The following UGP2 variants were observed in gnomAD, a reference collection of about 807,000 sequenced individuals.
UGP2 encodes UTP--glucose-1-phosphate uridylyltransferase.
In UGP2, 40 loss-of-function variants were observed where a neutral mutation model predicts 49.0. The observed-to-expected ratio is 0.82, with a 90% CI of 0.63 to 1.06. The LOEUF (loss-of-function observed/expected upper bound fraction) is 1.06, where lower values mean the gene tolerates loss of function less well. UGP2 is among the 50% of genes least tolerant of loss of function. UGP2 has a pLI of 0.00. For synonymous variants in UGP2, 225 were observed against 213.0 expected, an observed-to-expected ratio of 1.06 and a Z score of -0.49; for missense variants, 460 against 603.5, an observed-to-expected ratio of 0.76 and a Z score of 2.49.
At chr2:63,869,830 G>T (rs185246147) in intron 3 of UGP2, among the ~76,000 whole-genome samples, 1 of 152,082 alleles carries the variant, frequency 6.6e-6, no homozygotes, top group East Asian at 1.9e-4. Context: ...TTTGCCTTTG[G>T]ACTGTGAGGA....
intron 3 of UGP2, among the ~76,000 whole-genome samples, chr2:63,876,786 A>G (rs1670936235): frequency 1.3e-5 from 2 of 152,208 alleles, no homozygotes. Flanking sequence ...GCCTGTTCCC[A>G]GAAGTCTTTA....
intron 8 of UGP2, 86 bp from the exon 9 acceptor site, chr2:63,889,995 T>A: frequency 9.6e-7 from 1 of 1,045,172 alleles, no homozygotes; most frequent in African/African-American, 1.6e-5. Context: ...GTTTCTACAG[T>A]TCAGTTAAAC....
chr2:63,844,653 CT>C (rs1671809572), intron 1 of UGP2, among the ~76,000 whole-genome samples: 1 of 152,184 alleles, frequency 6.6e-6, no homozygotes, highest in South Asian at 2.1e-4. Context: ...CCTTGATCTC[CT>C]TGGCTTAAGC....
chr2:63,862,910 C>T (rs1669947851), intron 3 of UGP2: 1 of 454,552 alleles, frequency 2.2e-6, no homozygotes, highest in Non-Finnish European at 4.4e-6. Context: ...TTTACTGGAA[C>T]AGATTGTGAC....
At chr2:63,888,124 A>T (rs1443499515) in intron 8 of UGP2, 1 of 154,802 alleles carries the variant, frequency 6.5e-6, no homozygotes, top group Non-Finnish European at 1.4e-5. Flanking sequence ...AAACAAAGCA[A>T]GGGTGGAGAA....
At chr2:63,845,919 T>C (rs1406469521) in intron 1 of UGP2, among the ~76,000 whole-genome samples, 3 of 152,184 alleles carry the variant, frequency 2.0e-5, no homozygotes, top group African/African-American at 7.2e-5. Context: ...AATAAAAATA[T>C]TGAGGTAGGC....
At chr2:63,864,402 T>C (rs1670042386) in intron 3 of UGP2, among the ~76,000 whole-genome samples, 1 of 152,208 alleles carries the variant, frequency 6.6e-6, no homozygotes, top group Non-Finnish European at 1.5e-5. Flanking sequence ...TGGCATATTT[T>C]ATGTGCTTAT....
intron 1 of UGP2, chr2:63,842,510 C>A (rs1223183461): frequency 6.5e-7 from 1 of 1,535,332 alleles, no homozygotes; most frequent in Admixed American, 2.0e-5. Flanking sequence ...CTAATTAATC[C>A]TTGTTCTCTT....
chr2:63,862,853 GA>G (rs1478639673), intron 3 of UGP2: 1 of 455,744 alleles, frequency 2.2e-6, no homozygotes, highest in Admixed American at 2.4e-5. Flanking sequence ...AGGCTAACAA[GA>G]AGGGAGATAC....
chr2:63,882,579 C>T lies in UGP2; in HGVS notation c.369C>T (p.Cys123=). The T allele has an allele frequency of 6.2e-7, 1 of 1,612,192 alleles. No homozygotes were observed. Among genetic ancestry groups the T allele is most frequent in the Non-Finnish European group, 8.5e-7 (1 of 1,178,698 alleles). ...GTGGTTTGGGAACCAGCATGGGCTG[C>T]AAAGGCCCTAAAAGTCTGATTGGTG... ...LNGGLGTSMG[C]KGPKSLIGVR... The change falls in exon 4 of 10, where the codon TGC becomes TGT. Residue 123 remains cysteine, a synonymous_variant. Coordinates refer to ENST00000337130, the MANE Select transcript of UGP2 (RefSeq NM_006759.4).
chr2:63,880,733 G>A (rs919505318), intron 3 of UGP2, among the ~76,000 whole-genome samples: 2 of 152,102 alleles, frequency 1.3e-5, no homozygotes, highest in Admixed American at 6.5e-5. Flanking sequence ...GGGTCAAGTT[G>A]TTATCACCCC....
chr2:63,857,451 C>A, intron 2 of UGP2: 1 of 356,880 alleles, frequency 2.8e-6, no homozygotes, highest in Non-Finnish European at 5.7e-6. Flanking sequence ...GCAGCCTCAA[C>A]TTCCTGGGCT....
chr2:63,857,366 GTTTTTGTTTGTT>G (rs1372017473), intron 2 of UGP2, among the ~76,000 whole-genome samples: 1 of 151,542 alleles, frequency 6.6e-6, no homozygotes, highest in African/African-American at 2.4e-5. Context: ...TTGTTTGTTT[GTTTTTGTTTGTT>G]TTTGAGACAG....
chr2:63,877,819 C>T (rs1456120490), intron 3 of UGP2, among the ~76,000 whole-genome samples: 2 of 150,544 alleles, frequency 1.3e-5, no homozygotes, highest in Non-Finnish European at 3.0e-5. Context: ...AGGTGAAACC[C>T]CGTCTCTACT....
chr2:63,856,546 C>T (rs1378154126), intron 2 of UGP2, 113 bp downstream of exon 2: 10 of 1,261,632 alleles, frequency 7.9e-6, no homozygotes, highest in African/African-American at 6.1e-5. Flanking sequence ...ACAAGATGTA[C>T]GATAACATCA....
At position 63,858,900 on chromosome 2, in the gene UGP2, C is replaced by G. The variant is rs1669640107; in HGVS notation, c.255+964C>G. The stretch of plus-strand genomic sequence containing the variant: ...CCCACACCCCCCCGCCCCCCCGAAA[C>G]ACTTATAACTTTTGCTTAGGAATTA... On this transcript the variant is annotated intron_variant, in intron 3 of 9. Coordinates refer to ENST00000337130, the MANE Select transcript of UGP2 (RefSeq NM_006759.4). Among the ~76,000 whole-genome samples the G allele has an allele frequency of 4.7e-5, 6 of 128,798 alleles. No homozygotes were observed. In the Admixed American group the frequency reaches 5.4e-4, roughly 12 times the overall value. The allele number at this position is 128,798 out of a possible 152,430, so 84.5% of individuals were successfully genotyped here. A position where few individuals can be genotyped will look rare whatever the true frequency, so the allele number is the denominator to read the frequency against.
At chr2:63,887,360 TA>T (rs1671756812) in intron 7 of UGP2, 41 bp from the exon 8 acceptor site, 3 of 1,611,002 alleles carry the variant, frequency 1.9e-6, no homozygotes, top group Non-Finnish European at 2.5e-6. Context: ...TGTAGGTGCC[TA>T]AAACCTCTGT....
intron 3 of UGP2, among the ~76,000 whole-genome samples, chr2:63,880,575 T>C (rs1253797466): frequency 6.6e-6 from 1 of 152,204 alleles, no homozygotes; most frequent in Non-Finnish European, 1.5e-5. Context: ...TTTCTAGCAG[T>C]GTGACATAAA....
chr2:63,887,637 T>C lies in UGP2; in HGVS notation c.1307T>C (p.Phe436Ser), dbSNP rs775899208. Residue 436 changes from phenylalanine to serine, a missense_variant, in exon 8 of 10, where the codon TTT becomes TCT. By Grantham distance (155) the Phe-to-Ser change is radical (BLOSUM62 -2). Transcript: ENST00000337130. ...TVPLVKLGSSFTKVQDYLRRF... is the reference protein window; with the variant it reads ...TVPLVKLGSSSTKVQDYLRRF... ...CCCTTGGTTAAATTAGGCAGTTCTT[T>C]TACGAAGGTACGTAACTATAAAGAT... 92 of 1,613,986 alleles carry C rather than the reference T, an allele frequency of 5.7e-5. No individual in the cohort carries two copies. Among genetic ancestry groups the C allele is most frequent in the Non-Finnish European group, 7.4e-5 (87 of 1,180,002 alleles).
Sources: gnomAD v4.1 joint callset for allele counts (sites outside exome capture counted in the v4.1 genomes callset) on GRCh38, gnomAD v4.1.1 for gene constraint, MANE v1.5 for transcripts, NCBI Gene and HGNC (gene_info 2026-07-23, HGNC 2026-07-21) for gene names.